RTTN: variants seen among roughly 807,000 people sequenced by gnomAD.
RTTN encodes rotatin.
RTTN carries 182 observed loss-of-function variants against 269.2 expected under a neutral mutation model. The observed-to-expected ratio is 0.68, with a 90% CI of 0.60 to 0.76. RTTN has a LOEUF of 0.76. Among genes scored for constraint, RTTN ranks in the 30% least tolerant of loss-of-function variants. The probability of loss-of-function intolerance (pLI) is 0.00; values close to 1 mark genes in which losing one functional copy is unlikely to be tolerated. For missense variants in RTTN, 2,545 were observed against 2,608.6 expected, an observed-to-expected ratio of 0.98 and a Z score of 0.53; for synonymous variants, 1,006 against 963.5, an observed-to-expected ratio of 1.04 and a Z score of -0.82.
chr18:70,074,705 T>A (rs1280237855), intron 33 of RTTN: 2 of 151,530 alleles, frequency 1.3e-5, no homozygotes, highest in African/African-American at 4.8e-5. Context: ...AAAATGAATT[T>A]AAAAATAAAA....
chr18:70,157,020 TGC>T (rs923978451), intron 14 of RTTN, among the ~76,000 whole-genome samples: 2 of 152,172 alleles, frequency 1.3e-5, no homozygotes, highest in African/African-American at 4.8e-5. Flanking sequence ...ATAGGTCTTT[TGC>T]CAACAGCCTC....
chr18:70,075,279 A>T (rs1405098634), intron 33 of RTTN, 73 bp downstream of exon 33: 1 of 1,091,268 alleles, frequency 9.2e-7, no homozygotes, highest in Non-Finnish European at 1.3e-6. Context: ...TTTTTAAAAC[A>T]AATATATGTA....
intron 21 of RTTN, among the ~76,000 whole-genome samples, chr18:70,136,014 CA>C (rs1214296022): frequency 1.3e-5 from 2 of 152,062 alleles, no homozygotes; most frequent in African/African-American, 2.4e-5. Flanking sequence ...ACACAGTTAG[CA>C]AATTCAGGGA....
At chr18:70,183,637 T>C (rs1398280011) in intron 10 of RTTN, among the ~76,000 whole-genome samples, 2 of 152,162 alleles carry the variant, frequency 1.3e-5, no homozygotes, top group Non-Finnish European at 2.9e-5. Context: ...ACATTCTTTG[T>C]TGTGGTGAGC....
intron 25 of RTTN, among the ~76,000 whole-genome samples, chr18:70,123,101 A>T (rs1372414003): frequency 6.6e-6 from 1 of 152,170 alleles, no homozygotes; most frequent in Non-Finnish European, 1.5e-5. Flanking sequence ...GAGAAATAAT[A>T]TATTCTGCAA....
chr18:70,014,284 C>G (rs1439980188), intron 46 of RTTN, among the ~76,000 whole-genome samples: 1 of 152,102 alleles, frequency 6.6e-6, no homozygotes, highest in Non-Finnish European at 1.5e-5. Context: ...TTTCCCATTT[C>G]CTAAAATTTT....
At position 70,127,719 on chromosome 18, in the gene RTTN, A is replaced by G. The variant is rs1324055054; in HGVS notation, c.3166T>C (p.Ser1056Pro). ...TQEILDALKL[S>P]TEDILTLKIT... ...TTCAGAGTGAGGATGTCCTCTGTAG[A>G]TAACTTCAATGCATCTAAAATTCTA... The change falls in exon 25 of 49, where the codon TCT becomes CCT. Residue 1056 changes from serine (S) to proline (P), a missense_variant. Ser to Pro is a moderately conservative substitution (Grantham distance 74, BLOSUM62 -1). Transcript: ENST00000640769. 8 of 1,612,002 alleles carry G rather than the reference A, an allele frequency of 5.0e-6. No homozygotes were observed. The highest frequency in any genetic ancestry group is 6.8e-6 in the Non-Finnish European group (8 of 1,178,702).
At chr18:70,104,670 G>T (rs957469877) in intron 28 of RTTN, among the ~76,000 whole-genome samples, 1 of 152,172 alleles carries the variant, frequency 6.6e-6, no homozygotes, top group Non-Finnish European at 1.5e-5. Context: ...TACAGATGGG[G>T]TTTTGGTGTG....
intron 23 of RTTN, among the ~76,000 whole-genome samples, chr18:70,133,912 A>G (rs575206946): frequency 6.6e-6 from 1 of 152,280 alleles, no homozygotes; most frequent in South Asian, 2.1e-4. Flanking sequence ...AACCAAATAC[A>G]ATGCAGAACC....
intron 40 of RTTN, among the ~76,000 whole-genome samples, chr18:70,042,370 T>TC (rs2057368251): frequency 7.9e-6 from 1 of 125,830 alleles, no homozygotes; most frequent in Non-Finnish European, 1.6e-5. Context: ...AATTTTCTTT[T>TC]TTTTTTTTTT....
At position 70,199,509 on chromosome 18, in the gene RTTN, C is replaced by A; in HGVS notation, c.488-5G>T. 1.3e-6 allele frequency: 2 copies of A among 1,589,726 alleles called. No individual in the cohort carries two copies. The highest frequency in any genetic ancestry group is 2.2e-5 in the South Asian group (2 of 90,468). On this transcript the variant is annotated splice_polypyrimidine_tract_variant and splice_region_variant and intron_variant, in intron 4 of 48. Coordinates refer to ENST00000640769, the MANE Select transcript of RTTN (RefSeq NM_173630.4). ...AGCACTTCACAGTCTGATTTACTGTCAGTGAAAGAGCAAATCTTATGGTAT... is the reference window on the plus strand; with the variant it reads ...AGCACTTCACAGTCTGATTTACTGTAAGTGAAAGAGCAAATCTTATGGTAT...
At chr18:70,019,165 A>G (rs2056630783) in intron 45 of RTTN, 1 of 152,218 alleles carries the variant, frequency 6.6e-6, no homozygotes, top group South Asian at 2.1e-4. Context: ...TCTTAAGTAT[A>G]GCACCAGAAT....
chr18:70,094,877 C>T (rs370677187), intron 28 of RTTN, among the ~76,000 whole-genome samples: 39 of 151,076 alleles, frequency 2.6e-4, no homozygotes, highest in African/African-American at 8.0e-4. Flanking sequence ...TTTTCAGTCT[C>T]GTTGATCTAA....
At chr18:70,204,833 T>C (rs1168364052) in intron 2 of RTTN, among the ~76,000 whole-genome samples, 8 of 152,174 alleles carry the variant, frequency 5.3e-5, no homozygotes, top group Admixed American at 5.2e-4. Flanking sequence ...GATGTAAATG[T>C]CAGAAAACAA....
chr18:70,168,883 C>A lies in RTTN; in HGVS notation c.1661G>T (p.Cys554Phe). The A allele has an allele frequency of 6.2e-7, 1 of 1,611,666 alleles. No homozygotes were observed. The highest frequency in any genetic ancestry group is 1.1e-5 in the South Asian group (1 of 90,292). Residue 554 changes from cysteine to phenylalanine, a missense_variant, in exon 12 of 49, where the codon TGT (cysteine) becomes TTT (phenylalanine). By Grantham distance (205) the Cys-to-Phe change is radical (BLOSUM62 -2). Coordinates refer to ENST00000640769, the MANE Select transcript of RTTN (RefSeq NM_173630.4). ...TTTCCCAATATCAGACAGGAAGTTA[C>A]AGGTGCATTCAATTGAATAAACGGC... is the stretch of plus-strand genomic sequence containing the variant. ...AEAVYSIECT[C>F]NFLSDIGKEG...
At chr18:70,058,321 A>G (rs1195745992) in intron 36 of RTTN, among the ~76,000 whole-genome samples, 1 of 152,186 alleles carries the variant, frequency 6.6e-6, no homozygotes, top group African/African-American at 2.4e-5. Flanking sequence ...GTTCAAGACC[A>G]GCCTGGTGAA....
intron 27 of RTTN, among the ~76,000 whole-genome samples, chr18:70,111,762 T>C (rs144925599): frequency 0.015 from 2,234 of 152,232 alleles, 56 homozygotes; most frequent in African/African-American, 0.051. Context: ...TTCCCCAATC[T>C]AGCAAGACAG....
At chr18:70,016,251 C>A (rs191666808) in intron 46 of RTTN, among the ~76,000 whole-genome samples, 1 of 151,648 alleles carries the variant, frequency 6.6e-6, no homozygotes, top group Non-Finnish European at 1.5e-5. Context: ...ACTTAGAAAA[C>A]CCTTGATTTC....
At chr18:70,179,539 A>G (rs1046663633) in intron 10 of RTTN, among the ~76,000 whole-genome samples, 19 of 152,096 alleles carry the variant, frequency 1.2e-4, no homozygotes, top group Non-Finnish European at 2.6e-4. Flanking sequence ...ACTGGCCCAC[A>G]TTTTTTAATT....
Sources: allele counts gnomAD v4.1 joint callset (sites outside exome capture counted in the v4.1 genomes callset), GRCh38; gene constraint gnomAD v4.1.1; transcripts MANE v1.5; gene names NCBI Gene and HGNC (gene_info 2026-07-23, HGNC 2026-07-21).